GAD1: variants seen among roughly 807,000 people sequenced by gnomAD.
The protein encoded by GAD1 is 67 kDa glutamic acid decarboxylase.
Under a neutral mutation model 75.2 loss-of-function variants are expected in GAD1, and 35 were observed. That is an observed-to-expected ratio of 0.47 (90% CI 0.36 to 0.62). GAD1 has a LOEUF of 0.62. Ranked by LOEUF, GAD1 falls within the 20% of genes least tolerant of loss-of-function variation. The probability of loss-of-function intolerance (pLI) is 0.00; values close to 1 mark genes in which losing one functional copy is unlikely to be tolerated. For missense variants in GAD1, 490 were observed against 758.5 expected (o/e 0.65, Z 4.16); for synonymous variants, 257 against 271.9 (o/e 0.95, Z 0.54).
Position 170,836,815 on chromosome 2 carries a change from G to A in GAD1, c.570G>A (p.Gln190=). The change falls in exon 6 of 17, where the codon CAG becomes CAA. Residue 190 remains glutamine (Q), a synonymous_variant. Coordinates refer to ENST00000358196, the MANE Select transcript of GAD1 (RefSeq NM_000817.3). ...TAGGTCATCCTCGATTTTTCAACCAGCTCTCCACTGGATTGGATATTATTG... is the reference window on the plus strand; with the variant it reads ...TAGGTCATCCTCGATTTTTCAACCAACTCTCCACTGGATTGGATATTATTG... ...VRTGHPRFFN[Q]LSTGLDIIGL... 1 of 1,613,860 alleles carries A rather than the reference G, an allele frequency of 6.2e-7. No homozygotes were observed. The highest frequency in any genetic ancestry group is 8.5e-7 in the Non-Finnish European group (1 of 1,179,764).
intron 3 of GAD1, among the ~76,000 whole-genome samples, chr2:170,823,374 T>C (rs1437367957): frequency 6.6e-6 from 1 of 152,200 alleles, no homozygotes; most frequent in Non-Finnish European, 1.5e-5. Flanking sequence ...TTTGGGGAAC[T>C]ACTCCCTTCC....
intron 1 of GAD1, chr2:170,817,916 C>CGG: frequency 6.5e-6 from 1 of 152,752 alleles, no homozygotes; most frequent in Non-Finnish European, 1.5e-5. Context: ...TGGTTCTTCT[C>CGG]TGGCCAAGTC....
chr2:170,842,835 T>C, intron 6 of GAD1: 1 of 1,037,430 alleles, frequency 9.6e-7, no homozygotes. Context: ...TCATCCACAA[T>C]TAAAACTTAG....
intron 15 of GAD1, among the ~76,000 whole-genome samples, chr2:170,858,257 A>C (rs1484293348): frequency 1.3e-5 from 2 of 152,202 alleles, no homozygotes; most frequent in African/African-American, 4.8e-5. Context: ...TCTTTAGAGG[A>C]GGGACACTAA....
At position 170,840,104 on chromosome 2, in the gene GAD1, A is replaced by G. The variant is rs373693530; in HGVS notation, c.638+3221A>G. 2.6e-5 allele frequency among the ~76,000 whole-genome samples: 4 copies of G among 152,290 alleles called. 1 individual carries two copies. Among genetic ancestry groups the G allele is most frequent in the African/African-American group, 9.6e-5 (4 of 41,556 alleles). On this transcript the variant is annotated intron_variant, in intron 6 of 16. Transcript: ENST00000358196. ...TCGGAGATCTTAAAACAAACCACTG[A>G]ATTTCTCTGAACCTCAGTTTTCTCA...
Position 170,849,364 on chromosome 2 carries a change from C to T in GAD1, c.1184+14C>T. The T allele has an allele frequency of 1.2e-6, 2 of 1,613,396 alleles. No individual in the cohort carries two copies. The highest frequency in any genetic ancestry group is 1.7e-6 in the Non-Finnish European group (2 of 1,179,428). On this transcript the variant is annotated intron_variant, in intron 12 of 16. Coordinates refer to ENST00000358196, the MANE Select transcript of GAD1 (RefSeq NM_000817.3). ...CGGCATAGAAAGGTAACGGCCAGAA[C>T]TCGCCAGGCCTCCTTCCACCCAGCA...
At chr2:170,830,682 G>T (rs1702198866) in intron 4 of GAD1, among the ~76,000 whole-genome samples, 1 of 152,214 alleles carries the variant, frequency 6.6e-6, no homozygotes, top group Non-Finnish European at 1.5e-5. Context: ...GACAACCGCA[G>T]TCGCAGGTTG....
chr2:170,819,425 C>G (rs917874159), intron 2 of GAD1, among the ~76,000 whole-genome samples: 1 of 152,010 alleles, frequency 6.6e-6, no homozygotes, highest in Non-Finnish European at 1.5e-5. Context: ...GGCAAGAGAT[C>G]TGTCAGGAGG....
At chr2:170,852,923 G>A in intron 13 of GAD1, 131 bp downstream of exon 13, 1 of 772,422 alleles carries the variant, frequency 1.3e-6, no homozygotes, top group Non-Finnish European at 2.3e-6. Flanking sequence ...AGAGACTACT[G>A]CTGCTGTCCT....
At chr2:170,820,614 G>A (rs1181051441) in intron 2 of GAD1, among the ~76,000 whole-genome samples, 1 of 152,224 alleles carries the variant, frequency 6.6e-6, no homozygotes, top group East Asian at 1.9e-4. Flanking sequence ...CCCTTGGGTG[G>A]GGCTTGGAGC....
rs774953382 is a variant in GAD1 at position 170,859,769 on chromosome 2, C to G, written c.1672C>G (p.Pro558Ala). The change falls in exon 17 of 17, where the codon CCC becomes GCC. Residue 558 changes from proline to alanine, a missense_variant. By Grantham distance (27) the Pro-to-Ala change is conservative. Transcript: ENST00000358196. ...AGGTACGACCATGGTTGGCTACCAG[C>G]CCCAAGGGGACAAGGCCAACTTCTT... ...ESGTTMVGYQ[P>A]QGDKANFFRM... is the part of the protein sequence containing the mutation. 105 of 1,614,040 alleles carry G rather than the reference C, an allele frequency of 6.5e-5. No homozygotes were observed. Among genetic ancestry groups the G allele is most frequent in the Non-Finnish European group, 8.3e-5 (98 of 1,180,014 alleles).
chr2:170,858,784 G>T lies in GAD1; in HGVS notation c.1522-20G>T. ...CAAGTTATCCTAATTTTCTTTGTTT[G>T]TCTTTTAAAATCTCTGCAGCCTGAG... On this transcript the variant is annotated intron_variant, in intron 15 of 16. Transcript: ENST00000358196. 1 of 1,611,496 alleles carries T rather than the reference G, an allele frequency of 6.2e-7. No homozygotes were observed. Among genetic ancestry groups the T allele is most frequent in the Non-Finnish European group, 8.5e-7 (1 of 1,177,768 alleles).
chr2:170,856,439 T>G (rs1448422736), intron 14 of GAD1, among the ~76,000 whole-genome samples: 1 of 152,260 alleles, frequency 6.6e-6, no homozygotes, highest in African/African-American at 2.4e-5. Flanking sequence ...AAGGACTTAC[T>G]GCTGGGGAAG....
chr2:170,813,722 T>C (rs1032074530), upstream of GAD1, among the ~76,000 whole-genome samples: 8 of 152,166 alleles, frequency 5.3e-5, no homozygotes, highest in African/African-American at 1.9e-4. Flanking sequence ...GGTTGGAATA[T>C]CTTTAAACAA....
intron 13 of GAD1, 21 bp downstream of exon 13, chr2:170,852,813 T>C (rs764032885): frequency 3.1e-6 from 5 of 1,604,820 alleles, no homozygotes; most frequent in South Asian, 2.2e-5. Flanking sequence ...CCTCCAAAGC[T>C]ACACTGGGGC....
intron 6 of GAD1, among the ~76,000 whole-genome samples, chr2:170,840,347 C>A (rs1282280656): frequency 6.6e-6 from 1 of 152,194 alleles, no homozygotes; most frequent in Non-Finnish European, 1.5e-5. Flanking sequence ...CTCCCCTCAG[C>A]TATGTTACCT....
chr2:170,827,563 C>T (rs1702054870), intron 3 of GAD1, among the ~76,000 whole-genome samples: 1 of 152,206 alleles, frequency 6.6e-6, no homozygotes, highest in Non-Finnish European at 1.5e-5. Context: ...CCGTTTGCTG[C>T]CGGAGTTTGT....
intron 5 of GAD1, among the ~76,000 whole-genome samples, chr2:170,833,074 A>G (rs1702282668): frequency 6.6e-6 from 1 of 152,236 alleles, no homozygotes; most frequent in African/African-American, 2.4e-5. Flanking sequence ...CCAAGGCCAC[A>G]ACTGGCAATC....
upstream of GAD1, chr2:170,816,328 C>A: frequency 6.6e-6 from 1 of 152,438 alleles, no homozygotes; most frequent in Non-Finnish European, 1.5e-5. Flanking sequence ...GAGGTCTCCC[C>A]TCATTTCTGC....
Sources: gnomAD v4.1 joint callset for allele counts (sites outside exome capture counted in the v4.1 genomes callset) on GRCh38, gnomAD v4.1.1 for gene constraint, MANE v1.5 for transcripts, NCBI Gene and HGNC (gene_info 2026-07-23, HGNC 2026-07-21) for gene names.